NSD1: variants seen among roughly 807,000 people sequenced by gnomAD.
NSD1 encodes the protein histone-lysine N-methyltransferase, H3 lysine-36 specific.
NSD1 carries 26 observed loss-of-function variants against 242.7 expected under a neutral mutation model. The ratio of observed to expected loss-of-function variants is 0.11; its 90% CI spans 0.08 to 0.15. NSD1 has a LOEUF of 0.15. Among genes scored for constraint, NSD1 ranks in the 10% least tolerant of loss-of-function variants. The pLI is 1.00. For missense variants in NSD1, 2,495 were observed against 3,272.8 expected, an observed-to-expected ratio of 0.76 and a Z score of 5.80; for synonymous variants, 1,106 against 1,178.1, an observed-to-expected ratio of 0.94 and a Z score of 1.25.
chr5:177,292,610 A>G (rs1487660607), intron 22 of NSD1, among the ~76,000 whole-genome samples: 1 of 152,168 alleles, frequency 6.6e-6, no homozygotes, highest in Non-Finnish European at 1.5e-5. Flanking sequence ...AGTCAGTGAG[A>G]GATGGATTGC....
intron 2 of NSD1, among the ~76,000 whole-genome samples, chr5:177,177,421 A>G (rs1760297230): frequency 6.6e-6 from 1 of 152,078 alleles, no homozygotes. Flanking sequence ...GAGGCAGGAG[A>G]ATCGCTTGAA....
At chr5:177,264,051 T>TTTTTTTTTTTTC (rs1562273769) in intron 14 of NSD1, among the ~76,000 whole-genome samples, 1 of 116,306 alleles carries the variant, frequency 8.6e-6, no homozygotes, top group African/African-American at 3.1e-5. Flanking sequence ...TTTTTTTTTT[T>TTTTTTTTTTTTC]TTTGAGATGG....
rs577594069 is a variant in NSD1 at position 177,196,861 on chromosome 5, C to A, written c.1063+4842C>A. Among the ~76,000 whole-genome samples, 3 of 152,232 alleles carry A rather than the reference C, an allele frequency of 2.0e-5. No homozygotes were observed. In the East Asian group the frequency reaches 5.8e-4, roughly 29 times the overall value. ...TGTGGCTAGAGTACAGTAGTATGTA[C>A]TGGGGATATGTTCTAAGATTCTCAG... On this transcript the variant is annotated intron_variant, in intron 3 of 22. Coordinates refer to ENST00000439151, the MANE Select transcript of NSD1 (RefSeq NM_022455.5).
intron 2 of NSD1, among the ~76,000 whole-genome samples, chr5:177,182,106 C>T (rs1280670141): frequency 3.3e-5 from 5 of 150,784 alleles, no homozygotes; most frequent in African/African-American, 7.3e-5. Flanking sequence ...GAGTGGAGAT[C>T]GCGCCACCGC....
intron 5 of NSD1, among the ~76,000 whole-genome samples, chr5:177,232,888 CT>C (rs1765164615): frequency 6.6e-6 from 1 of 152,154 alleles, no homozygotes; most frequent in South Asian, 2.1e-4. Context: ...TGTGAAACAT[CT>C]TTCAGAAGAG....
intron 2 of NSD1, among the ~76,000 whole-genome samples, chr5:177,182,609 C>T (rs998867749): frequency 2.6e-5 from 4 of 151,792 alleles, no homozygotes; most frequent in South Asian, 2.1e-4. Flanking sequence ...CCTCCCTTCC[C>T]CTCCCCTCCC....
At chr5:177,170,744 T>A (rs897258331) in intron 2 of NSD1, among the ~76,000 whole-genome samples, 5 of 152,144 alleles carry the variant, frequency 3.3e-5, no homozygotes, top group Non-Finnish European at 7.4e-5. Context: ...GTATTCACAG[T>A]GTTATATAAT....
At chr5:177,160,270 G>A (rs1366466891) in intron 2 of NSD1, among the ~76,000 whole-genome samples, 4 of 151,930 alleles carry the variant, frequency 2.6e-5, no homozygotes, top group Admixed American at 2.0e-4. Flanking sequence ...CCTTGAATGA[G>A]CTTTACTTCA....
chr5:177,284,645 T>A (rs1759159468), intron 20 of NSD1, among the ~76,000 whole-genome samples: 2 of 152,178 alleles, frequency 1.3e-5, no homozygotes, highest in Admixed American at 1.3e-4. Flanking sequence ...TGGAACAAAT[T>A]TTCACATTCA....
In NSD1 at chr5:177,135,199, C is replaced by A; in HGVS notation, c.96C>A (p.Phe32Leu). 6.2e-7 allele frequency: 1 copy of A among 1,613,636 alleles called. No homozygotes were observed. Among genetic ancestry groups the A allele is most frequent in the Non-Finnish European group, 8.5e-7 (1 of 1,179,582 alleles). ...CCCCTGAAGACAAGGACAGCCCTTT[C>A]GGTAATGGTCAATCCAATTTTTCTG... ...LDAPEDKDSP[F>L]GNGQSNFSEP... is the part of the protein sequence containing the mutation. The change falls in exon 2 of 23, where the codon TTC (phenylalanine) becomes TTA (leucine). Residue 32 changes from phenylalanine to leucine, a missense_variant. By Grantham distance (22) the Phe-to-Leu change is conservative. Around this residue, in one of 19 missense-constraint regions of NSD1, gnomAD observed 376 missense variants for 367.4 expected, o/e 1.02. Coordinates refer to ENST00000439151, the MANE Select transcript of NSD1 (RefSeq NM_022455.5).
At position 177,297,195 on chromosome 5, in the gene NSD1, G is replaced by C. The variant is rs1760309186; in HGVS notation, c.*1736G>C. The C allele has an allele frequency of 4.3e-6, 1 of 232,598 alleles. No homozygotes were observed. Among genetic ancestry groups the C allele is most frequent in the African/African-American group, 2.2e-5 (1 of 45,292 alleles). The allele number at this position is 232,598 out of a possible 1,614,324, so 14.4% of individuals were successfully genotyped here. ...GGGCAGGGCTGTCCTGAGTTTAGGG[G>C]CCTATCCCTGCATTTCACTGAGACC... On this transcript the variant is annotated 3_prime_UTR_variant, in exon 23 of 23. Transcript: ENST00000439151.
chr5:177,147,406 C>T (rs544192838), intron 2 of NSD1, among the ~76,000 whole-genome samples: 3 of 152,252 alleles, frequency 2.0e-5, no homozygotes, highest in Non-Finnish European at 2.9e-5. Context: ...CATGCCTGGC[C>T]TAGCCCCTCC....
chr5:177,250,734 A>G (rs540386822), intron 11 of NSD1, among the ~76,000 whole-genome samples: 3 of 152,310 alleles, frequency 2.0e-5, no homozygotes, highest in South Asian at 2.1e-4. Flanking sequence ...TCCCCTATCA[A>G]TTCCAGGCTA....
intron 2 of NSD1, among the ~76,000 whole-genome samples, chr5:177,187,608 A>G (rs1468896802): frequency 6.6e-6 from 1 of 152,186 alleles, no homozygotes; most frequent in Non-Finnish European, 1.5e-5. Flanking sequence ...TCAAGTTGTC[A>G]GCACATTGTT....
intron 14 of NSD1, among the ~76,000 whole-genome samples, chr5:177,261,128 C>A (rs1304578682): frequency 6.6e-6 from 1 of 152,038 alleles, no homozygotes; most frequent in Non-Finnish European, 1.5e-5. Context: ...TCACTGCAAC[C>A]TCTGCTGCCA....
In NSD1 at chr5:177,226,733, C is replaced by A. The variant is rs117856160; in HGVS notation, c.3797-9088C>A. Reference sequence around the variant, plus strand: ...AACAGTACAGAAAAGTACAGATTGGCATTCTGTTAATTTTTTTTAACATCC... The same window carrying A: ...AACAGTACAGAAAAGTACAGATTGGAATTCTGTTAATTTTTTTTAACATCC... On this transcript the variant is annotated intron_variant, in intron 5 of 22. Transcript: ENST00000439151. 5.9e-5 allele frequency among the ~76,000 whole-genome samples: 9 copies of A among 152,222 alleles called. No homozygotes were observed. The South Asian group carries it at 1.7e-3, about 28-fold the overall frequency.
At chr5:177,259,428 G>A (rs1034940772) in intron 13 of NSD1, among the ~76,000 whole-genome samples, 1 of 152,186 alleles carries the variant, frequency 6.6e-6, no homozygotes, top group Admixed American at 6.5e-5. Context: ...TTGAGGTCAC[G>A]TCCAGCCTTG....
intron 5 of NSD1, among the ~76,000 whole-genome samples, chr5:177,228,265 CTTT>C (rs750070622): frequency 7.2e-6 from 1 of 138,312 alleles, no homozygotes. Flanking sequence ...TTTTTCTTTT[CTTT>C]TTTTTTTTTT....
At chr5:177,272,958 T>G (rs1039559290) in intron 16 of NSD1, among the ~76,000 whole-genome samples, 2 of 152,108 alleles carry the variant, frequency 1.3e-5, no homozygotes, top group African/African-American at 4.8e-5. Context: ...ATAGTTTATA[T>G]TTACACAACA....
Sources: allele counts gnomAD v4.1 joint callset (sites outside exome capture counted in the v4.1 genomes callset), GRCh38; gene constraint gnomAD v4.1.1; regional missense constraint gnomAD v4.1.1; transcripts MANE v1.5; gene names NCBI Gene and HGNC (gene_info 2026-07-23, HGNC 2026-07-21).